Variants in BLACAT1 observed in about 807,000 individuals in gnomAD.
BLACAT1 encodes the protein BLACAT1 overlapping LEMD1 locus.
intron 1 of BLACAT1, among the ~76,000 whole-genome samples, chr1:205,444,003 A>C (rs1261898717): frequency 6.6e-6 from 1 of 152,112 alleles, no homozygotes; most frequent in East Asian, 1.9e-4. Flanking sequence ...AGAGGGCTCC[A>C]GTACCAGCTG....
rs1187553538 is a variant in BLACAT1, at chr1:205,448,476, A to AC, written c.-36-7415dup. On this transcript the variant is annotated intron_variant, in intron 1 of 1. Coordinates refer to ENST00000629624, the Ensembl canonical transcript of BLACAT1. The surrounding 1 kb of genome is among the most constrained non-coding windows in gnomAD (Gnocchi z 4.7). ...AGAAGCCCTCACTCCCCTTCTCAGCACCCCCGACCCCAGACCCACCCACAC... is the reference window on the plus strand; with the variant it reads ...AGAAGCCCTCACTCCCCTTCTCAGCACCCCCCGACCCCAGACCCACCCACAC... 1 of 498,798 alleles carries AC rather than the reference A, an allele frequency of 2.0e-6. No individual in the cohort carries two copies. Among genetic ancestry groups the AC allele is most frequent in the East Asian group, 5.8e-5 (1 of 17,230 alleles). 30.9% of individuals were successfully genotyped at this position (498,798 alleles called of 1,614,324 possible). A position where few individuals can be genotyped will look rare whatever the true frequency, so the allele number is the denominator to read the frequency against.
At chr1:205,454,978 G>A (rs1448637658) in intron 1 of BLACAT1, among the ~76,000 whole-genome samples, 2 of 152,214 alleles carry the variant, frequency 1.3e-5, no homozygotes, top group African/African-American at 2.4e-5. Context: ...GCTGTGGAAT[G>A]TTGGTCGGAA....
intron 1 of BLACAT1, among the ~76,000 whole-genome samples, chr1:205,444,405 G>A (rs1042404783): frequency 2.6e-5 from 4 of 152,020 alleles, no homozygotes; most frequent in African/African-American, 9.7e-5. Context: ...GAGCCAAGCA[G>A]AAGAGATGCC....
chr1:205,448,662 T>G lies in BLACAT1; in HGVS notation c.-37+7255A>C, dbSNP rs1666444866. On this transcript the variant is annotated intron_variant, in intron 1 of 1. Transcript: ENST00000629624. The surrounding 1 kb of genome is among the most constrained non-coding windows in gnomAD (Gnocchi z 4.7). ...ATGAGGAGGGGTGGCTTCCTGGCCA[T>G]AAAGGACCTCCTCAAATTCCCTTAA... Among the ~76,000 whole-genome samples, 1 of 152,062 alleles carries G rather than the reference T, an allele frequency of 6.6e-6. No individual in the cohort carries two copies. The highest frequency in any genetic ancestry group is 1.5e-5 in the Non-Finnish European group (1 of 68,006).
At chr1:205,449,121 G>A (rs779340658) in intron 1 of BLACAT1, among the ~76,000 whole-genome samples, 1 of 152,208 alleles carries the variant, frequency 6.6e-6, no homozygotes, top group Non-Finnish European at 1.5e-5. Flanking sequence ...TCCCTGACAA[G>A]GCTGTGGGAG....
chr1:205,451,012 G>A (rs927155956), intron 1 of BLACAT1, among the ~76,000 whole-genome samples: 9 of 152,160 alleles, frequency 5.9e-5, no homozygotes, highest in Admixed American at 1.3e-4. Context: ...CTCCTCTGGG[G>A]CCACCACAAC....
chr1:205,448,309 G>GC lies in BLACAT1; in HGVS notation c.-36-7248dup. 1 of 530,708 alleles carries GC rather than the reference G, an allele frequency of 1.9e-6. No homozygotes were observed. The highest frequency in any genetic ancestry group is 3.9e-6 in the Non-Finnish European group (1 of 256,806). The allele number at this position is 530,708 out of a possible 1,614,324, so 32.9% of individuals were successfully genotyped here. On this transcript the variant is annotated intron_variant, in intron 1 of 1. Coordinates refer to ENST00000629624, the Ensembl canonical transcript of BLACAT1. This position sits in a 1 kb window ranked among gnomAD's most constrained non-coding sequence, Gnocchi z 4.7. The stretch of plus-strand genomic sequence containing the variant: ...TGCAGCTGCGCAGGAGAAGGAGCTC[G>GC]CCCCTCACTGTAGCCCATGGCTTTT...
chr1:205,446,732 G>C (rs1030932635), intron 1 of BLACAT1, among the ~76,000 whole-genome samples: 1 of 152,214 alleles, frequency 6.6e-6, no homozygotes, highest in Non-Finnish European at 1.5e-5. Context: ...GACAATGAGG[G>C]AGGTGGAGGA....
At chr1:205,436,314 T>G (rs1028834376), downstream of BLACAT1, 2 of 152,152 alleles carry the variant, frequency 1.3e-5, no homozygotes, top group Admixed American at 6.5e-5. Flanking sequence ...TATGACGACT[T>G]CCTCCAGGGA....
chr1:205,443,692 A>T (rs1293846629), intron 1 of BLACAT1, among the ~76,000 whole-genome samples: 1 of 152,208 alleles, frequency 6.6e-6, no homozygotes, highest in Admixed American at 6.5e-5. Flanking sequence ...CTCTTCTCTA[A>T]CAGGGTCTCT....
At chr1:205,436,600 A>G (rs1666208988), downstream of BLACAT1, 1 of 152,228 alleles carries the variant, frequency 6.6e-6, no homozygotes, top group Non-Finnish European at 1.5e-5. Flanking sequence ...TGTTGGGAGC[A>G]GGGTGATGAT....
At chr1:205,451,993 G>A (rs751385581) in intron 1 of BLACAT1, among the ~76,000 whole-genome samples, 43 of 152,122 alleles carry the variant, frequency 2.8e-4, no homozygotes, top group Non-Finnish European at 5.3e-4. Flanking sequence ...AGGCAGAGGT[G>A]GAGCACAGGC....
downstream of BLACAT1, among the ~76,000 whole-genome samples, chr1:205,439,695 T>C (rs1416411589): frequency 6.6e-6 from 1 of 152,198 alleles, no homozygotes; most frequent in Non-Finnish European, 1.5e-5. Context: ...GGTCTGACTT[T>C]GCTCCTTGGC....
exon 2 of BLACAT1, chr1:205,440,724 G>A (rs1349454394): frequency 6.6e-6 from 1 of 152,526 alleles, no homozygotes; most frequent in Admixed American, 6.5e-5. Context: ...CTGAGAATTG[G>A]AAGCTAATGG....
At chr1:205,445,187 T>C (rs999666937) in intron 1 of BLACAT1, among the ~76,000 whole-genome samples, 2 of 151,934 alleles carry the variant, frequency 1.3e-5, no homozygotes, top group Non-Finnish European at 2.9e-5. Flanking sequence ...CCCCACCTCC[T>C]CCCTCTCCCT....
In BLACAT1 at chr1:205,448,278, G is replaced by A. The variant is rs747526157; in HGVS notation, c.-36-7216C>T. 5.0e-5 allele frequency: 26 copies of A among 518,188 alleles called. No homozygotes were observed. Among genetic ancestry groups the A allele is most frequent in the Non-Finnish European group, 7.7e-5 (19 of 247,112 alleles). The allele number at this position is 518,188 out of a possible 1,614,324, so 32.1% of individuals were successfully genotyped here. On this transcript the variant is annotated intron_variant, in intron 1 of 1. Coordinates refer to ENST00000629624, the Ensembl canonical transcript of BLACAT1. This position sits in a 1 kb window ranked among gnomAD's most constrained non-coding sequence, Gnocchi z 4.7. ...TGGCTGGCTCCGAACCTGGTCCCAT[G>A]GGAGGTGCAGCTGCGCAGGAGAAGG...
rs747294207 is a variant in BLACAT1 at position 205,448,404 on chromosome 1, G to A, written c.-36-7342C>T. On this transcript the variant is annotated intron_variant, in intron 1 of 1. Transcript: ENST00000629624. The surrounding 1 kb of genome is among the most constrained non-coding windows in gnomAD (Gnocchi z 4.7). ...CCATAGGCCACAGCAGAGTGGAGGG[G>A]TCCAGCGGCAGGAATCTCATAGGGA... The A allele has an allele frequency of 3.7e-6, 2 of 534,092 alleles. No individual in the cohort carries two copies. The highest frequency in any genetic ancestry group is 7.7e-6 in the Non-Finnish European group (2 of 259,928). The allele number at this position is 534,092 out of a possible 1,614,324, so 33.1% of individuals were successfully genotyped here.
At chr1:205,444,715 G>A (rs1666353567) in intron 1 of BLACAT1, among the ~76,000 whole-genome samples, 1 of 152,168 alleles carries the variant, frequency 6.6e-6, no homozygotes, top group Non-Finnish European at 1.5e-5. Flanking sequence ...TCCTTCATCA[G>A]AGTGGGCGGC....
chr1:205,437,614 C>G (rs913917708), downstream of BLACAT1: 2 of 152,236 alleles, frequency 1.3e-5, no homozygotes, highest in African/African-American at 4.8e-5. Flanking sequence ...GTTGTCTGCA[C>G]GGAGTGCATC....
Sources: allele counts gnomAD v4.1 joint callset (sites outside exome capture counted in the v4.1 genomes callset), GRCh38; gene constraint gnomAD v4.1.1; non-coding constraint Gnocchi (gnomAD v3.1); transcripts MANE v1.5; gene names NCBI Gene and HGNC (gene_info 2026-07-23, HGNC 2026-07-21).